TMEM132D: variants seen among roughly 807,000 people sequenced by gnomAD.
The protein encoded by TMEM132D is transmembrane protein 132D.
A neutral mutation model predicts 62.3 loss-of-function variants in TMEM132D; 21 were observed. The observed-to-expected ratio is 0.34, with a 90% CI of 0.24 to 0.49. The LOEUF is 0.49. TMEM132D is among the 20% of genes least tolerant of loss of function. The pLI, the probability that TMEM132D is intolerant of heterozygous loss-of-function variation, is 0.99. For synonymous variants in TMEM132D, 621 were observed against 575.6 expected, an observed-to-expected ratio of 1.08 and a Z score of -1.13; for missense variants, 1,346 against 1,402.8, an observed-to-expected ratio of 0.96 and a Z score of 0.65.
chr12:129,748,565 A>T (rs891842223), intron 1 of TMEM132D, among the ~76,000 whole-genome samples: 1 of 152,200 alleles, frequency 6.6e-6, no homozygotes, highest in Non-Finnish European at 1.5e-5. Flanking sequence ...AGTTTAAAGT[A>T]TCTGGGCACT....
At chr12:129,202,972 T>C (rs1372167369) in intron 5 of TMEM132D, among the ~76,000 whole-genome samples, 1 of 152,236 alleles carries the variant, frequency 6.6e-6, no homozygotes. Flanking sequence ...CAAACATTTC[T>C]TAACCACCTG....
At chr12:129,442,282 A>G (rs1872960043) in intron 3 of TMEM132D, among the ~76,000 whole-genome samples, 1 of 152,206 alleles carries the variant, frequency 6.6e-6, no homozygotes, top group Admixed American at 6.5e-5. Flanking sequence ...GAAGGTGTGG[A>G]GAAGGGATAT....
rs529092290 is a variant in TMEM132D at position 129,232,798 on chromosome 12, G to A, written c.1300-23135C>T. On this transcript the variant is annotated intron_variant, in intron 4 of 8. Transcript: ENST00000422113. ...CAGAAGGTGAAAGGGAAGCAGGCGC[G>A]TCTTACATGATGGCAGGAGAGAGAG... is the stretch of plus-strand genomic sequence containing the variant. Among the ~76,000 whole-genome samples, 13 of 152,226 alleles carry A rather than the reference G, an allele frequency of 8.5e-5. No homozygotes were observed. In the South Asian group the frequency reaches 2.1e-3, roughly 24 times the overall value.
chr12:129,493,106 G>A (rs533981269), intron 3 of TMEM132D, among the ~76,000 whole-genome samples: 5 of 152,232 alleles, frequency 3.3e-5, no homozygotes, highest in Non-Finnish European at 5.9e-5. Flanking sequence ...TGTGCCTGTC[G>A]TTTCCAGGTT....
intron 5 of TMEM132D, among the ~76,000 whole-genome samples, chr12:129,123,126 G>T (rs1876114096): frequency 6.6e-6 from 1 of 152,070 alleles, no homozygotes; most frequent in African/African-American, 2.4e-5. Flanking sequence ...TGTTGACTAT[G>T]CTAACATAAA....
intron 3 of TMEM132D, among the ~76,000 whole-genome samples, chr12:129,516,961 AC>A (rs940455085): frequency 6.6e-6 from 1 of 151,934 alleles, no homozygotes; most frequent in African/African-American, 2.4e-5. Context: ...CAGTTCCATT[AC>A]CACATCTCCT....
At chr12:129,723,383 C>G (rs1169476488) in intron 1 of TMEM132D, among the ~76,000 whole-genome samples, 3 of 152,190 alleles carry the variant, frequency 2.0e-5, no homozygotes, top group Non-Finnish European at 4.4e-5. Context: ...TCTGCCCCTC[C>G]TCCGCCCTGC....
intron 1 of TMEM132D, among the ~76,000 whole-genome samples, chr12:129,816,716 T>C (rs1872356238): frequency 6.6e-6 from 1 of 152,240 alleles, no homozygotes; most frequent in South Asian, 2.1e-4. Flanking sequence ...CTAAGACGTG[T>C]GTCACGGACT....
chr12:129,751,289 A>G (rs1251211578), intron 1 of TMEM132D, among the ~76,000 whole-genome samples: 4 of 152,320 alleles, frequency 2.6e-5, no homozygotes, highest in Admixed American at 1.3e-4. Flanking sequence ...ATGGCAGAGC[A>G]GGAGAGAGCG....
chr12:129,752,059 A>G (rs2137268076), intron 1 of TMEM132D, among the ~76,000 whole-genome samples: 1 of 152,296 alleles, frequency 6.6e-6, no homozygotes, highest in African/African-American at 2.4e-5. Flanking sequence ...AGAAATATCA[A>G]TTTGCCAACA....
chr12:129,356,917 A>AAGGAGAGGAGAGGAG (rs200145891), intron 3 of TMEM132D, among the ~76,000 whole-genome samples: 3 of 104,510 alleles, frequency 2.9e-5, no homozygotes, highest in African/African-American at 4.5e-5. Flanking sequence ...AAGGTAAGGA[A>AAGGAGAGGAGAGGAG]AGGAGAGGAG....
At chr12:129,768,692 C>G (rs1870634447) in intron 1 of TMEM132D, among the ~76,000 whole-genome samples, 1 of 152,146 alleles carries the variant, frequency 6.6e-6, no homozygotes, top group South Asian at 2.1e-4. Context: ...AGGGACAGTG[C>G]TGGGGAGCCT....
chr12:129,831,289 G>A lies in TMEM132D; in HGVS notation c.79+71972C>T, dbSNP rs188886613. Among the ~76,000 whole-genome samples, 216 of 152,356 alleles carry A rather than the reference G, an allele frequency of 1.4e-3. 2 individuals carry two copies. The Middle Eastern group carries it at 0.02, about 14-fold the overall frequency. ...GACGCTGACATGGGCACTGACAGATGACCCTTTCAAGGCTGGAGTCAGGGT... is the reference window on the plus strand; with the variant it reads ...GACGCTGACATGGGCACTGACAGATAACCCTTTCAAGGCTGGAGTCAGGGT... On this transcript the variant is annotated intron_variant, in intron 1 of 8. Transcript: ENST00000422113.
intron 5 of TMEM132D, among the ~76,000 whole-genome samples, chr12:129,115,947 T>C (rs535133029): frequency 6.6e-6 from 1 of 152,352 alleles, no homozygotes; most frequent in East Asian, 1.9e-4. Context: ...GGAGCAGTAC[T>C]GGACACAGGC....
chr12:129,757,967 G>A (rs1305505169), intron 1 of TMEM132D, among the ~76,000 whole-genome samples: 1 of 151,996 alleles, frequency 6.6e-6, no homozygotes, highest in African/African-American at 2.4e-5. Flanking sequence ...CAATGGCATG[G>A]TCTCGGCTCA....
chr12:129,180,422 T>A (rs1057031393), intron 5 of TMEM132D, among the ~76,000 whole-genome samples: 2 of 152,182 alleles, frequency 1.3e-5, no homozygotes, highest in African/African-American at 4.8e-5. Flanking sequence ...ATTTATTCAT[T>A]TGCTCACATA....
intron 2 of TMEM132D, among the ~76,000 whole-genome samples, chr12:129,564,969 G>A (rs547627167): frequency 6.5e-4 from 99 of 152,300 alleles, no homozygotes; most frequent in Admixed American, 5.6e-3. Flanking sequence ...AAATACCTAT[G>A]CAGGAAGAAA....
At chr12:129,203,379 C>CT (rs1249771210) in intron 5 of TMEM132D, among the ~76,000 whole-genome samples, 3 of 152,210 alleles carry the variant, frequency 2.0e-5, no homozygotes, top group Admixed American at 6.5e-5. Flanking sequence ...TAAGGTTTTT[C>CT]TTTTAACACT....
chr12:129,562,408 A>G (rs891214465), intron 2 of TMEM132D, among the ~76,000 whole-genome samples: 4 of 152,188 alleles, frequency 2.6e-5, no homozygotes, highest in African/African-American at 9.7e-5. Context: ...ACATCAGGTT[A>G]TTAAACAGAT....
Sources: allele counts gnomAD v4.1 joint callset (sites outside exome capture counted in the v4.1 genomes callset), GRCh38; gene constraint gnomAD v4.1.1; transcripts MANE v1.5; gene names NCBI Gene and HGNC (gene_info 2026-07-23, HGNC 2026-07-21).